Variants in RDX observed in about 807,000 individuals in gnomAD.
RDX encodes the protein radixin.
A neutral mutation model predicts 83.7 loss-of-function variants in RDX; 32 were observed. The observed-to-expected ratio is 0.38, with a 90% CI of 0.29 to 0.51. The LOEUF is 0.51. Ranked by LOEUF, RDX falls within the 20% of genes least tolerant of loss-of-function variation. RDX has a pLI of 0.87. For synonymous variants in RDX, 229 were observed against 222.7 expected, an observed-to-expected ratio of 1.03 and a Z score of -0.25; for missense variants, 600 against 689.9, an observed-to-expected ratio of 0.87 and a Z score of 1.46.
In RDX at chr11:110,205,649, ATTATG is replaced by A. The variant is rs529567848; in HGVS notation, c.1749-5976_1749-5972del. On this transcript the variant is annotated intron_variant, in intron 14 of 15. Transcript: ENST00000528498. ...AAACATGAAAGGCCTTTAAAGAAAA[ATTATG>A]TTATATTAGTAATTAACAAAATGCA... Among the ~76,000 whole-genome samples, 174 of 152,228 alleles carry A rather than the reference ATTATG, an allele frequency of 1.1e-3. 1 individual carries two copies. Among genetic ancestry groups the A allele is most frequent in the African/African-American group, 3.3e-3 (136 of 41,518 alleles).
chr11:110,292,988 C>A (rs928511600), intron 1 of RDX, among the ~76,000 whole-genome samples: 3 of 152,134 alleles, frequency 2.0e-5, no homozygotes, highest in African/African-American at 7.2e-5. Flanking sequence ...AATCATTAAT[C>A]AAGAAAATCT....
intron 1 of RDX, among the ~76,000 whole-genome samples, chr11:110,280,928 G>A (rs1274259681): frequency 6.6e-6 from 1 of 152,196 alleles, no homozygotes; most frequent in Non-Finnish European, 1.5e-5. Flanking sequence ...ACTTTGGGAG[G>A]CCGGGGCGGG....
rs1298726577 is a variant in RDX, at chr11:110,224,221, T to TA, written c.1748+7651dup. 2.5e-3 allele frequency among the ~76,000 whole-genome samples: 363 copies of TA among 146,392 alleles called. 2 individuals are homozygous for TA. Among genetic ancestry groups the TA allele is most frequent in the Middle Eastern group, 0.018 (5 of 282 alleles). On this transcript the variant is annotated intron_variant, in intron 14 of 15. Coordinates refer to the RDX transcript ENST00000528498. Reference sequence around the variant, plus strand: ...CCCCAAACTGTTTATATATATATATTAAAAAAAAAAAACAAAAAAACAAAA... The same window carrying TA: ...CCCCAAACTGTTTATATATATATATTAAAAAAAAAAAAACAAAAAAACAAAA...
chr11:110,242,743 A>G (rs1865151176), intron 10 of RDX, among the ~76,000 whole-genome samples: 1 of 152,142 alleles, frequency 6.6e-6, no homozygotes, highest in African/African-American at 2.4e-5. Context: ...AGTCCCTCCT[A>G]AAAAAGGAAG....
chr11:110,295,363 A>G (rs1055300351), intron 1 of RDX, among the ~76,000 whole-genome samples: 1 of 151,350 alleles, frequency 6.6e-6, no homozygotes, highest in African/African-American at 2.4e-5. Context: ...TACAATGTCT[A>G]TGTCAAAGTA....
intron 14 of RDX, among the ~76,000 whole-genome samples, chr11:110,208,280 G>T (rs573400493): frequency 2.4e-4 from 37 of 152,280 alleles, no homozygotes; most frequent in African/African-American, 8.4e-4. Context: ...TTCTGAAAAC[G>T]AATGTAGCGT....
intron 15 of RDX, among the ~76,000 whole-genome samples, chr11:110,176,930 C>T (rs1862785931): frequency 6.6e-6 from 1 of 152,218 alleles, no homozygotes; most frequent in South Asian, 2.1e-4. Context: ...ACCAGCGCAA[C>T]ATCGCACAGT....
intron 12 of RDX, among the ~76,000 whole-genome samples, chr11:110,235,380 G>C (rs1047824866): frequency 6.6e-6 from 1 of 151,932 alleles, no homozygotes; most frequent in Non-Finnish European, 1.5e-5. Context: ...CCAATCACTG[G>C]TTCCCATGCC....
In RDX at chr11:110,268,848, G is replaced by A. The variant is rs546417960; in HGVS notation, c.96+3688C>T. Among the ~76,000 whole-genome samples, 30 of 151,722 alleles carry A rather than the reference G, an allele frequency of 2.0e-4. 1 individual carries two copies. The South Asian group carries it at 4.8e-3, about 24-fold the overall frequency. ...AACTTCTGATCACATACTTTTAGAA[G>A]TGAATCTGCTTGGGCACGTAACTAT... On this transcript the variant is annotated intron_variant, in intron 3 of 13. Coordinates refer to ENST00000645495, the MANE Select transcript of RDX (RefSeq NM_002906.4).
chr11:110,227,603 G>A (rs1864475066), downstream of RDX, among the ~76,000 whole-genome samples: 1 of 152,112 alleles, frequency 6.6e-6, no homozygotes, highest in Non-Finnish European at 1.5e-5. Context: ...AAATGATATT[G>A]TAATAGATAA....
chr11:110,253,012 G>C (rs1048549921), intron 9 of RDX, among the ~76,000 whole-genome samples: 1 of 152,032 alleles, frequency 6.6e-6, no homozygotes, highest in South Asian at 2.1e-4. Flanking sequence ...TTGTTATGTG[G>C]TTAACTTCTC....
At chr11:110,286,127 C>T (rs1860970423) in intron 1 of RDX, among the ~76,000 whole-genome samples, 2 of 152,094 alleles carry the variant, frequency 1.3e-5, no homozygotes, top group African/African-American at 2.4e-5. Flanking sequence ...AATTTTCTCC[C>T]ACTCTTAAAT....
At chr11:110,205,452 A>AC (rs61164950) in intron 14 of RDX, among the ~76,000 whole-genome samples, 87 of 149,256 alleles carry the variant, frequency 5.8e-4, no homozygotes, top group African/African-American at 1.9e-3. Flanking sequence ...AAAAAAAAAA[A>AC]CCACCATAAA....
intron 5 of RDX, 45 bp downstream of exon 5, chr11:110,263,915 A>G (rs778527328): frequency 3.4e-5 from 53 of 1,569,534 alleles, no homozygotes; most frequent in Non-Finnish European, 4.5e-5. Context: ...AGACTTCTAG[A>G]ATACAATTTT....
chr11:110,199,997 T>C (rs1863347207), intron 14 of RDX, among the ~76,000 whole-genome samples: 1 of 152,210 alleles, frequency 6.6e-6, no homozygotes, highest in African/African-American at 2.4e-5. Flanking sequence ...ATAAGACCTA[T>C]TATTTAGAAT....
rs1864559795 is a variant in RDX, at chr11:110,229,942, T to G, written c.*1927A>C. The G allele has an allele frequency of 6.6e-6, 1 of 152,540 alleles. No homozygotes were observed. The highest frequency in any genetic ancestry group is 1.5e-5 in the Non-Finnish European group (1 of 67,968). 9.4% of individuals were successfully genotyped at this position (152,540 alleles called of 1,614,324 possible). A position where few individuals can be genotyped will look rare whatever the true frequency, so the allele number is the denominator to read the frequency against. ...TAGGGTCCACCATCCATTCCTTTGA[T>G]GTACTGCAAGTAGGAATATTCTCTT... On this transcript the variant is annotated 3_prime_UTR_variant, in exon 14 of 14. Coordinates refer to ENST00000645495, the MANE Select transcript of RDX (RefSeq NM_002906.4).
Position 110,180,121 on chromosome 11 carries a change from C to T in RDX, c.*32-4887G>A, listed in dbSNP as rs530749059. On this transcript the variant is annotated intron_variant, in intron 15 of 15. Transcript: ENST00000528498. ...TTCACCATGTTGGCCAGGCTGGTCT[C>T]GAACTCCTGACCTCAAGTGATCTAC... 1.6e-3 allele frequency among the ~76,000 whole-genome samples: 247 copies of T among 152,054 alleles called. 2 individuals carry two copies. The highest frequency in any genetic ancestry group is 5.7e-3 in the African/African-American group (236 of 41,478).
intron 10 of RDX, among the ~76,000 whole-genome samples, chr11:110,246,421 A>C (rs991472446): frequency 6.6e-6 from 1 of 152,182 alleles, no homozygotes; most frequent in African/African-American, 2.4e-5. Context: ...AATCCAAAAA[A>C]CGTGAAATCT....
intron 14 of RDX, among the ~76,000 whole-genome samples, chr11:110,211,752 T>C (rs1198826271): frequency 2.7e-5 from 4 of 149,524 alleles, no homozygotes; most frequent in Admixed American, 6.7e-5. Context: ...CATAACGAAA[T>C]GAAGGCAGAA....
Sources: gnomAD v4.1 joint callset for allele counts (sites outside exome capture counted in the v4.1 genomes callset) on GRCh38, gnomAD v4.1.1 for gene constraint, MANE v1.5 for transcripts, NCBI Gene and HGNC (gene_info 2026-07-23, HGNC 2026-07-21) for gene names.